ANO10: variants seen among roughly 807,000 people sequenced by gnomAD.
ANO10 encodes anoctamin-10.
Under a neutral mutation model 74.7 loss-of-function variants are expected in ANO10, and 77 were observed. The observed-to-expected ratio is 1.03, with a 90% CI of 0.86 to 1.25. ANO10 has a LOEUF of 1.25. Ranked by LOEUF, ANO10 falls within the 50% of genes most tolerant of loss-of-function variation. ANO10 has a pLI of 0.00. For missense variants in ANO10, 721 were observed against 778.1 expected (o/e 0.93, Z 0.87); for synonymous variants, 279 against 284.9 (o/e 0.98, Z 0.21).
At chr3:43,498,256 C>T (rs2076981488) in intron 11 of ANO10, among the ~76,000 whole-genome samples, 1 of 152,194 alleles carries the variant, frequency 6.6e-6, no homozygotes, top group South Asian at 2.1e-4. Flanking sequence ...GGGAGTTTTC[C>T]TGCCCACTTC....
At chr3:43,532,845 T>C (rs929318084) in intron 11 of ANO10, among the ~76,000 whole-genome samples, 2 of 152,152 alleles carry the variant, frequency 1.3e-5, no homozygotes, top group Non-Finnish European at 2.9e-5. Flanking sequence ...CAAAGTGATA[T>C]GGTAAGGTTT....
intron 5 of ANO10, among the ~76,000 whole-genome samples, chr3:43,578,276 G>C: frequency 6.6e-6 from 1 of 151,998 alleles, no homozygotes; most frequent in East Asian, 1.9e-4. Flanking sequence ...CTTTTTAAAA[G>C]ATGCTCATGA....
At chr3:43,634,392 C>T (rs1283162674) in intron 1 of ANO10, among the ~76,000 whole-genome samples, 1 of 151,936 alleles carries the variant, frequency 6.6e-6, no homozygotes, top group Admixed American at 6.6e-5. Context: ...GGTGTCTTTC[C>T]CCGTCTCCCA....
At chr3:43,436,539 G>A (rs2093070283) in intron 11 of ANO10, among the ~76,000 whole-genome samples, 2 of 152,142 alleles carry the variant, frequency 1.3e-5, no homozygotes, top group Admixed American at 1.3e-4. Context: ...CAAATACAAA[G>A]AAGTTGGCTC....
In ANO10 at chr3:43,562,455, CAAAA is replaced by C. The variant is rs1169816392; in HGVS notation, c.1294-1057_1294-1054del. On this transcript the variant is annotated intron_variant, in intron 8 of 12. Coordinates refer to ENST00000292246, the MANE Select transcript of ANO10 (RefSeq NM_018075.5). ...CGGCAGAACGAGGCTCTGTCTCAAA[CAAAA>C]AAAAAAAAAAAAGAAGTTTGAGACC... 4.6e-4 allele frequency among the ~76,000 whole-genome samples: 32 copies of C among 69,950 alleles called. 1 individual carries two copies. The East Asian group carries it at 5.0e-3, about 11-fold the overall frequency. 45.9% of individuals were successfully genotyped at this position (69,950 alleles called of 152,430 possible).
intron 11 of ANO10, among the ~76,000 whole-genome samples, chr3:43,437,739 G>C (rs1333180692): frequency 6.6e-6 from 1 of 152,092 alleles, no homozygotes; most frequent in African/African-American, 2.4e-5. Flanking sequence ...AAAGATTTGA[G>C]AGACTCTCTG....
intron 7 of ANO10, among the ~76,000 whole-genome samples, chr3:43,566,199 T>C (rs969216962): frequency 2.0e-4 from 30 of 152,148 alleles, no homozygotes; most frequent in African/African-American, 6.5e-4. Flanking sequence ...CCACGGAGTC[T>C]CGCTGATTGC....
intron 11 of ANO10, among the ~76,000 whole-genome samples, chr3:43,442,017 A>T (rs914042402): frequency 1.1e-4 from 16 of 152,300 alleles, no homozygotes; most frequent in Admixed American, 3.9e-4. Flanking sequence ...ACTAAAGGTT[A>T]TATATGAAAA....
At chr3:43,394,427 A>C (rs2092338707) in intron 12 of ANO10, among the ~76,000 whole-genome samples, 1 of 151,510 alleles carries the variant, frequency 6.6e-6, no homozygotes, top group Non-Finnish European at 1.5e-5. Flanking sequence ...TCCCACCCTC[A>C]CCTCTTGACC....
At chr3:43,465,642 G>T (rs974884357) in intron 11 of ANO10, among the ~76,000 whole-genome samples, 1 of 151,988 alleles carries the variant, frequency 6.6e-6, no homozygotes, top group African/African-American at 2.4e-5. Context: ...AACAGGGTGA[G>T]ACTTCATCTC....
At chr3:43,561,180 A>T in intron 9 of ANO10, 40 bp downstream of exon 9, 1 of 1,600,124 alleles carries the variant, frequency 6.2e-7, no homozygotes. Flanking sequence ...GCTATTATTC[A>T]CTCTCAGTAA....
At chr3:43,558,842 A>C (rs1043304342) in intron 9 of ANO10, among the ~76,000 whole-genome samples, 13 of 152,320 alleles carry the variant, frequency 8.5e-5, no homozygotes, top group South Asian at 4.1e-4. Context: ...TCCAGTGGAG[A>C]CGGTGAAAAA....
chr3:43,415,591 G>A (rs1265536845), intron 12 of ANO10, among the ~76,000 whole-genome samples: 1 of 151,526 alleles, frequency 6.6e-6, no homozygotes, highest in Non-Finnish European at 1.5e-5. Flanking sequence ...AGGCTGGAGT[G>A]CAGTGAGAGG....
chr3:43,372,790 G>T lies in ANO10; in HGVS notation c.1915-5816C>A, dbSNP rs146629436. 2.1e-3 allele frequency: 3,225 copies of T among 1,511,604 alleles called. 5 individuals are homozygous for T. The highest frequency in any genetic ancestry group is 2.4e-3 in the Non-Finnish European group (2,646 of 1,124,892). 93.6% of individuals were successfully genotyped at this position (1,511,604 alleles called of 1,614,324 possible). A position where few individuals can be genotyped will look rare whatever the true frequency, so the allele number is the denominator to read the frequency against. On this transcript the variant is annotated intron_variant, in intron 12 of 12. Transcript: ENST00000292246. ...ACCCCAGGACCTATGACAGTGCCTG[G>T]CACTGAGTTGGTGCTCCATGAATAC...
chr3:43,448,173 G>A (rs1471437780), intron 11 of ANO10, among the ~76,000 whole-genome samples: 7 of 152,078 alleles, frequency 4.6e-5, no homozygotes, highest in Admixed American at 1.3e-4. Flanking sequence ...CTCAACTTCC[G>A]GAAGCATGAA....
At chr3:43,473,071 G>C (rs1178719949) in intron 11 of ANO10, among the ~76,000 whole-genome samples, 1 of 152,110 alleles carries the variant, frequency 6.6e-6, no homozygotes, top group Non-Finnish European at 1.5e-5. Context: ...AAAGTAATAA[G>C]TGGAGAGAAA....
intron 12 of ANO10, among the ~76,000 whole-genome samples, chr3:43,432,066 T>A (rs2092990855): frequency 6.6e-6 from 1 of 151,114 alleles, no homozygotes; most frequent in South Asian, 2.1e-4. Context: ...TTCTGTCTAC[T>A]CCCACTCTCC....
intron 12 of ANO10, among the ~76,000 whole-genome samples, chr3:43,385,829 T>C (rs771943796): frequency 2.6e-5 from 4 of 152,004 alleles, no homozygotes; most frequent in Non-Finnish European, 4.4e-5. Context: ...GCTCAGGTGA[T>C]GGGTGCACTA....
At chr3:43,371,936 T>A (rs573175614) in intron 12 of ANO10, among the ~76,000 whole-genome samples, 2 of 152,186 alleles carry the variant, frequency 1.3e-5, no homozygotes, top group Non-Finnish European at 2.9e-5. Context: ...TCCAAGCCTG[T>A]CTGGGCTTGG....
Sources: allele counts gnomAD v4.1 joint callset (sites outside exome capture counted in the v4.1 genomes callset), GRCh38; gene constraint gnomAD v4.1.1; transcripts MANE v1.5; gene names NCBI Gene and HGNC (gene_info 2026-07-23, HGNC 2026-07-21).